The following COX7B2 variants were observed in gnomAD, a reference collection of about 807,000 sequenced individuals.
COX7B2 encodes the protein cytochrome c oxidase subunit 7B2, mitochondrial.
For missense variants in COX7B2, 109 were observed against 95.9 expected, an observed-to-expected ratio of 1.14 and a Z score of -0.57; for synonymous variants, 37 against 32.1, an observed-to-expected ratio of 1.15 and a Z score of -0.51.
intron 2 of COX7B2, among the ~76,000 whole-genome samples, chr4:46,837,274 TACACACACACAC>T (rs33927124): frequency 3.0e-4 from 40 of 133,352 alleles, no homozygotes; most frequent in Middle Eastern, 4.0e-3. Context: ...CACAAAGACA[TACACACACACAC>T]ACACACACAC....
intron 1 of COX7B2, among the ~76,000 whole-genome samples, chr4:46,873,209 T>C (rs1288990808): frequency 6.6e-6 from 1 of 152,210 alleles, no homozygotes; most frequent in Admixed American, 6.5e-5. Flanking sequence ...ATATTTTCTT[T>C]ATCCAGTCTA....
At chr4:46,797,768 G>A (rs1380973007) in intron 2 of COX7B2, among the ~76,000 whole-genome samples, 1 of 152,196 alleles carries the variant, frequency 6.6e-6, no homozygotes, top group East Asian at 1.9e-4. Context: ...AGCTTAATAA[G>A]GTGGTGACTC....
intron 2 of COX7B2, among the ~76,000 whole-genome samples, chr4:46,834,442 ACT>A (rs1348244651): frequency 6.6e-6 from 1 of 152,078 alleles, no homozygotes; most frequent in Non-Finnish European, 1.5e-5. Context: ...AGCATTAAAA[ACT>A]CTGCGAATAA....
At chr4:46,907,233 T>A (rs1720446459) in intron 1 of COX7B2, among the ~76,000 whole-genome samples, 1 of 152,186 alleles carries the variant, frequency 6.6e-6, no homozygotes, top group Non-Finnish European at 1.5e-5. Flanking sequence ...TATTTCCCTC[T>A]ACTTGAACTT....
At chr4:46,875,376 A>G (rs762358939) in intron 1 of COX7B2, among the ~76,000 whole-genome samples, 7 of 152,090 alleles carry the variant, frequency 4.6e-5, no homozygotes, top group Non-Finnish European at 8.8e-5. Flanking sequence ...TTTTTTCTTC[A>G]TACTGTATTC....
chr4:46,802,770 GAAA>G, intron 2 of COX7B2, among the ~76,000 whole-genome samples: 1 of 152,150 alleles, frequency 6.6e-6, no homozygotes, highest in East Asian at 1.9e-4. Context: ...TGTGCAAAAG[GAAA>G]TTAGAGGAAT....
intron 2 of COX7B2, among the ~76,000 whole-genome samples, chr4:46,833,093 C>T (rs1038723008): frequency 7.2e-5 from 11 of 152,012 alleles, no homozygotes; most frequent in Admixed American, 3.3e-4. Context: ...TTAGTAGAGA[C>T]GGGATTTCTC....
rs138247637 is a variant in COX7B2 at position 46,791,967 on chromosome 4, G to A, written c.-50+52993C>T. 1.2e-3 allele frequency among the ~76,000 whole-genome samples: 187 copies of A among 152,226 alleles called. 1 individual carries two copies. Among genetic ancestry groups the A allele is most frequent in the African/African-American group, 4.3e-3 (177 of 41,526 alleles). ...TATACCAGTAAAATGAGATAACATA[G>A]GTAAAATCAGTGCAGAGCCAAAGAG... On this transcript the variant is annotated intron_variant, in intron 2 of 2. Transcript: ENST00000355591.
rs561222357 is a variant in COX7B2, at chr4:46,758,801, T to C, written c.-49-23560A>G. ...TCAGTTTTCATGGACTCACAATACATGGAAAATAAAAATCAAAGCCTAGGC... is the reference window on the plus strand; with the variant it reads ...TCAGTTTTCATGGACTCACAATACACGGAAAATAAAAATCAAAGCCTAGGC... On this transcript the variant is annotated intron_variant, in intron 2 of 2. Transcript: ENST00000355591. Among the ~76,000 whole-genome samples, 18 of 152,184 alleles carry C rather than the reference T, an allele frequency of 1.2e-4. No homozygotes were observed. The South Asian group carries it at 2.7e-3, about 23-fold the overall frequency.
chr4:46,890,598 T>C (rs145131974), intron 1 of COX7B2, among the ~76,000 whole-genome samples: 378 of 152,322 alleles, frequency 2.5e-3, no homozygotes, highest in African/African-American at 8.5e-3. Context: ...GCAAGATATT[T>C]AGTGAAGTCT....
intron 2 of COX7B2, among the ~76,000 whole-genome samples, chr4:46,782,581 C>T (rs1020447943): frequency 4.6e-5 from 7 of 152,152 alleles, no homozygotes; most frequent in African/African-American, 1.4e-4. Flanking sequence ...CCACTTGGGT[C>T]TCCTTCCAGG....
At chr4:46,905,974 C>A (rs927590987) in intron 1 of COX7B2, among the ~76,000 whole-genome samples, 1 of 150,700 alleles carries the variant, frequency 6.6e-6, no homozygotes, top group Non-Finnish European at 1.5e-5. Flanking sequence ...GGACTACAGG[C>A]GCCCGCCACC....
chr4:46,830,338 A>AG (rs952492128), intron 2 of COX7B2, among the ~76,000 whole-genome samples: 1 of 151,482 alleles, frequency 6.6e-6, no homozygotes, highest in African/African-American at 2.4e-5. Flanking sequence ...AAAAAAAAAA[A>AG]AAAAAGAAAA....
At chr4:46,742,008 A>G (rs1484116752) in intron 2 of COX7B2, among the ~76,000 whole-genome samples, 2 of 152,174 alleles carry the variant, frequency 1.3e-5, no homozygotes, top group Non-Finnish European at 2.9e-5. Context: ...GCATTTTAGG[A>G]AGACCATTTA....
intron 2 of COX7B2, among the ~76,000 whole-genome samples, chr4:46,842,755 T>C (rs896228396): frequency 1.3e-4 from 20 of 152,166 alleles, no homozygotes; most frequent in Non-Finnish European, 2.9e-4. Flanking sequence ...GGCTGCATAG[T>C]ATTCCATGGT....
chr4:46,767,062 T>A (rs1305627184), intron 2 of COX7B2, among the ~76,000 whole-genome samples: 1 of 152,198 alleles, frequency 6.6e-6, no homozygotes. Context: ...TCAAAAGGTA[T>A]GGAGTAACTG....
chr4:46,821,856 A>G (rs1379918977), intron 2 of COX7B2, among the ~76,000 whole-genome samples: 1 of 152,190 alleles, frequency 6.6e-6, no homozygotes, highest in African/African-American at 2.4e-5. Context: ...AATTGTTGCC[A>G]GGTGTTTAAT....
At chr4:46,820,066 A>G (rs1714163700) in intron 2 of COX7B2, among the ~76,000 whole-genome samples, 1 of 152,226 alleles carries the variant, frequency 6.6e-6, no homozygotes, top group Non-Finnish European at 1.5e-5. Flanking sequence ...GGATGGTTTC[A>G]GGATGATTCA....
chr4:46,905,675 A>C (rs1720333713), intron 1 of COX7B2, among the ~76,000 whole-genome samples: 1 of 152,134 alleles, frequency 6.6e-6, no homozygotes, highest in South Asian at 2.1e-4. Flanking sequence ...TTAAGTATAA[A>C]ATTTTCCCTC....
Sources: gnomAD v4.1 joint callset for allele counts (sites outside exome capture counted in the v4.1 genomes callset) on GRCh38, gnomAD v4.1.1 for gene constraint, MANE v1.5 for transcripts, NCBI Gene and HGNC (gene_info 2026-07-23, HGNC 2026-07-21) for gene names.